PLEKHM3: variants seen among roughly 807,000 people sequenced by gnomAD.
PLEKHM3 encodes pleckstrin homology domain-containing family M member 3.
A neutral mutation model predicts 81.8 loss-of-function variants in PLEKHM3; 45 were observed. The observed-to-expected ratio is 0.55, with a 90% confidence interval of 0.43 to 0.71. PLEKHM3 has a LOEUF of 0.71. PLEKHM3 is among the 30% of genes least tolerant of loss of function. The pLI, the probability that PLEKHM3 is intolerant of heterozygous loss-of-function variation, is 0.00. For missense variants in PLEKHM3, 788 were observed against 924.3 expected (o/e 0.85, Z 1.91); for synonymous variants, 352 against 356.4 (o/e 0.99, Z 0.14).
chr2:207,908,093 G>A (rs1465372155), intron 6 of PLEKHM3, among the ~76,000 whole-genome samples: 1 of 152,136 alleles, frequency 6.6e-6, no homozygotes, highest in East Asian at 1.9e-4. Context: ...TTCATTAGCT[G>A]ATGAACATTT....
At chr2:207,868,494 A>G (rs2092514832) in intron 6 of PLEKHM3, 1 of 152,170 alleles carries the variant, frequency 6.6e-6, no homozygotes, top group Non-Finnish European at 1.5e-5. Context: ...TAGCTCATCT[A>G]CTTTCCAGCT....
rs1336617445 is a variant in PLEKHM3 at position 207,828,145 on chromosome 2, A to G, written c.*174T>C. ...GTCTGGACAATGATGTACACAGAGC[A>G]TACGTACAGGACGTATAGGTATTTG... On this transcript the variant is annotated 3_prime_UTR_variant, in exon 8 of 8. Coordinates refer to ENST00000427836, the MANE Select transcript of PLEKHM3 (RefSeq NM_001080475.3). The G allele has an allele frequency of 1.1e-5, 5 of 435,374 alleles. No individual in the cohort carries two copies. The Admixed American group carries it at 1.2e-4, about 10-fold the overall frequency. The allele number at this position is 435,374 out of a possible 1,614,324, so 27.0% of individuals were successfully genotyped here. A position where few individuals can be genotyped will look rare whatever the true frequency, so the allele number is the denominator to read the frequency against.
intron 1 of PLEKHM3, among the ~76,000 whole-genome samples, chr2:208,011,785 C>CTTTTTTTTT (rs1177948830): frequency 5.0e-5 from 4 of 79,992 alleles, no homozygotes; most frequent in Non-Finnish European, 9.2e-5. Flanking sequence ...CTCTGATAAA[C>CTTTTTTTTT]TTTTTTTTTT....
Position 207,826,420 on chromosome 2 carries a change from C to G in PLEKHM3, c.*1899G>C, listed in dbSNP as rs1166938162. 1 of 152,120 alleles carries G rather than the reference C, an allele frequency of 6.6e-6. No individual in the cohort carries two copies. Among genetic ancestry groups the G allele is most frequent in the Non-Finnish European group, 1.5e-5 (1 of 68,026 alleles). The allele number at this position is 152,120 out of a possible 1,614,324, so 9.4% of individuals were successfully genotyped here. On this transcript the variant is annotated 3_prime_UTR_variant, in exon 8 of 8. Transcript: ENST00000427836. ...TAACTAGAGTGGGGGAAAAGTCAAC[C>G]TGCTTTTCTAAGGGTAAAAGGCACC...
chr2:207,975,483 G>C (rs1250335349), intron 3 of PLEKHM3, among the ~76,000 whole-genome samples: 1 of 148,852 alleles, frequency 6.7e-6, no homozygotes, highest in African/African-American at 2.5e-5. Context: ...CATTCTCATG[G>C]TAAATTTAAT....
intron 4 of PLEKHM3, among the ~76,000 whole-genome samples, chr2:207,940,180 T>C (rs1483709275): frequency 1.3e-5 from 2 of 152,196 alleles, no homozygotes; most frequent in Non-Finnish European, 2.9e-5. Flanking sequence ...CTCACCTTTA[T>C]AGAGAAAATA....
intron 2 of PLEKHM3, among the ~76,000 whole-genome samples, chr2:207,999,769 TC>T (rs1692235659): frequency 6.6e-6 from 1 of 152,210 alleles, no homozygotes; most frequent in Admixed American, 6.5e-5. Context: ...AAGATGAATT[TC>T]AGGAACACTG....
intron 7 of PLEKHM3, among the ~76,000 whole-genome samples, chr2:207,842,343 G>T (rs6732700): frequency 6.6e-6 from 1 of 152,088 alleles, no homozygotes; most frequent in Admixed American, 6.5e-5. Flanking sequence ...GATATTGGAC[G>T]TTCTGAACAT....
chr2:207,860,939 A>G lies in PLEKHM3; in HGVS notation c.2108+166T>C, dbSNP rs1186715709. 2.6e-5 allele frequency among the ~76,000 whole-genome samples: 4 copies of G among 152,186 alleles called. No individual in the cohort carries two copies. In the East Asian group the frequency reaches 7.7e-4, roughly 29 times the overall value. On this transcript the variant is annotated intron_variant, in intron 7 of 7. Coordinates refer to ENST00000427836, the MANE Select transcript of PLEKHM3 (RefSeq NM_001080475.3). ...GGTAGCGAGGTAAGGGGTGGAAATA[A>G]ATACAGGAAACCAAAGGGGGAAACA...
rs1691577889 is a variant in PLEKHM3, at chr2:207,982,738, C to T, written c.611-5152G>A. Among the ~76,000 whole-genome samples the T allele has an allele frequency of 2.0e-5, 3 of 151,788 alleles. No homozygotes were observed. In the South Asian group the frequency reaches 6.2e-4, roughly 32 times the overall value. On this transcript the variant is annotated intron_variant, in intron 2 of 7. Coordinates refer to ENST00000427836, the MANE Select transcript of PLEKHM3 (RefSeq NM_001080475.3). ...GGATTAGAGGTGCCTGCCACCATGCCCGGCTTATTTTTGTATTTTTAGTAG... is the reference window on the plus strand; with the variant it reads ...GGATTAGAGGTGCCTGCCACCATGCTCGGCTTATTTTTGTATTTTTAGTAG...
intron 1 of PLEKHM3, among the ~76,000 whole-genome samples, chr2:208,017,967 T>G (rs1401589567): frequency 6.6e-6 from 1 of 152,130 alleles, no homozygotes; most frequent in Non-Finnish European, 1.5e-5. Flanking sequence ...ATATCGTAAA[T>G]GTGGGTATTC....
At chr2:208,003,909 T>C (rs2106097513) in intron 1 of PLEKHM3, among the ~76,000 whole-genome samples, 1 of 152,360 alleles carries the variant, frequency 6.6e-6, no homozygotes, top group East Asian at 1.9e-4. Context: ...TCCCATTTTA[T>C]AAAGAAGGCA....
At chr2:207,837,086 G>T in intron 7 of PLEKHM3, among the ~76,000 whole-genome samples, 1 of 152,184 alleles carries the variant, frequency 6.6e-6, no homozygotes, top group South Asian at 2.1e-4. Context: ...AGCTAAGGAG[G>T]GTAGTTACTG....
intron 5 of PLEKHM3, among the ~76,000 whole-genome samples, chr2:207,925,190 T>G (rs1689351862): frequency 6.7e-6 from 1 of 148,706 alleles, no homozygotes; most frequent in African/African-American, 2.5e-5. Context: ...AATTAGAGAG[T>G]ATGACATTAA....
chr2:207,908,532 T>C lies in PLEKHM3; in HGVS notation c.1932A>G (p.Ser644=). 1.9e-6 allele frequency: 3 copies of C among 1,612,638 alleles called. No homozygotes were observed. The highest frequency in any genetic ancestry group is 2.5e-6 in the Non-Finnish European group (3 of 1,179,642). Residue 644 remains serine, a synonymous_variant, in exon 6 of 8, where the codon TCA becomes TCG. Transcript: ENST00000427836. ...CACTTACCTGCTGCAGGTCGGCAAGTGAATACAGGTGGATCTGTTGAAGGA... is the reference window on the plus strand; with the variant it reads ...CACTTACCTGCTGCAGGTCGGCAAGCGAATACAGGTGGATCTGTTGAAGGA... The part of the protein sequence containing the change: ...EYLLQQIHLY[S]LADLQQVIEG...
Position 208,001,622 on chromosome 2 carries a change from C to T in PLEKHM3, c.18G>A (p.Val6=). 3 of 1,613,766 alleles carry T rather than the reference C, an allele frequency of 1.9e-6. No homozygotes were observed. The highest frequency in any genetic ancestry group is 2.5e-6 in the Non-Finnish European group (3 of 1,179,828). The change falls in exon 2 of 8, where the codon GTG becomes GTA. Residue 6 remains valine (V), a synonymous_variant. Transcript: ENST00000427836. ...CTTCTAAGGCTGGGCTGATATCATC[C>T]ACTTCCAAAGCTTCCATGTCACAGG... MEALE[V]DDISPALEVT...
chr2:207,892,870 C>T (rs959038753), intron 6 of PLEKHM3, among the ~76,000 whole-genome samples: 9 of 152,166 alleles, frequency 5.9e-5, no homozygotes, highest in African/African-American at 2.2e-4. Context: ...CTGCCTGCCT[C>T]GCTATTCTAA....
At chr2:207,973,775 C>G (rs1015726217) in intron 3 of PLEKHM3, among the ~76,000 whole-genome samples, 1 of 137,006 alleles carries the variant, frequency 7.3e-6, no homozygotes, top group South Asian at 2.1e-4. Context: ...AACCAGAGTT[C>G]AAGTGCTGGT....
chr2:208,001,070 C>A lies in PLEKHM3; in HGVS notation c.570G>T (p.Leu190Phe), dbSNP rs1238493539. The A allele has an allele frequency of 6.4e-7, 1 of 1,562,814 alleles. No homozygotes were observed. The highest frequency in any genetic ancestry group is 1.2e-5 in the South Asian group (1 of 85,912). ...GPHVTRPSFL[L>F]PSPNKIEDAQ... is the part of the protein sequence containing the mutation. ...CATCTTCTATCTTATTTGGTGAGGGCAACAGAAAAGATGGCCTGGTGACAT... is the reference window on the plus strand; with the variant it reads ...CATCTTCTATCTTATTTGGTGAGGGAAACAGAAAAGATGGCCTGGTGACAT... Residue 190 changes from leucine (L) to phenylalanine (F), a missense_variant, in exon 2 of 8, where the codon TTG (leucine) becomes TTT (phenylalanine). Leu to Phe is a conservative substitution (Grantham distance 22). Coordinates refer to ENST00000427836, the MANE Select transcript of PLEKHM3 (RefSeq NM_001080475.3).
Sources: allele counts gnomAD v4.1 joint callset (sites outside exome capture counted in the v4.1 genomes callset), GRCh38; gene constraint gnomAD v4.1.1; transcripts MANE v1.5; gene names NCBI Gene and HGNC (gene_info 2026-07-23, HGNC 2026-07-21).